XYLT1: variants seen among roughly 807,000 people sequenced by gnomAD.
XYLT1 encodes the protein xylosyltransferase 1, also known as beta-D-xylosyltransferase 1.
XYLT1 carries 36 observed loss-of-function variants against 91.3 expected under a neutral mutation model. The ratio of observed to expected loss-of-function variants is 0.39; its 90% confidence interval spans 0.30 to 0.52. The LOEUF (loss-of-function observed/expected upper bound fraction) is 0.52. Among genes scored for constraint, XYLT1 ranks in the 20% least tolerant of loss-of-function variants. XYLT1 has a pLI of 0.68. For missense variants in XYLT1, 1,242 were observed against 1,284.5 expected, an observed-to-expected ratio of 0.97 and a Z score of 0.51; for synonymous variants, 588 against 532.0, an observed-to-expected ratio of 1.11 and a Z score of -1.45.
chr16:17,454,455 G>A (rs1364180383), intron 1 of XYLT1, among the ~76,000 whole-genome samples: 1 of 152,074 alleles, frequency 6.6e-6, no homozygotes, highest in Non-Finnish European at 1.5e-5. Context: ...CAATTGTGCT[G>A]TCATAGCACA....
chr16:17,351,917 G>A (rs6498690), intron 2 of XYLT1, among the ~76,000 whole-genome samples: 74,243 of 151,978 alleles, frequency 0.49, 20,169 homozygotes, highest in African/African-American at 0.72. Context: ...GCTGAGGCGG[G>A]CGGACTGCTT....
chr16:17,385,036 C>A (rs1364451691), intron 1 of XYLT1, among the ~76,000 whole-genome samples: 2 of 151,736 alleles, frequency 1.3e-5, no homozygotes, highest in Non-Finnish European at 2.9e-5. Context: ...TAGGTGACTG[C>A]AGAGTCCTTG....
chr16:17,422,758 C>T (rs560581972), intron 1 of XYLT1, among the ~76,000 whole-genome samples: 4 of 152,246 alleles, frequency 2.6e-5, no homozygotes, highest in East Asian at 3.9e-4. Context: ...TCAGGTGATC[C>T]GCCCACCTCA....
intron 6 of XYLT1, among the ~76,000 whole-genome samples, chr16:17,150,916 G>A (rs181436106): frequency 6.6e-6 from 1 of 152,252 alleles, no homozygotes; most frequent in East Asian, 1.9e-4. Context: ...TATGGGGAAG[G>A]CCTTTATGAG....
chr16:17,272,153 GTTTTTTTTTTTTTT>G (rs35561235), intron 2 of XYLT1, among the ~76,000 whole-genome samples: 1 of 80,312 alleles, frequency 1.2e-5, no homozygotes, highest in Non-Finnish European at 2.3e-5. Context: ...TTTGTTGTTG[GTTTTTTTTTTTTTT>G]TTTTTTTTTT....
At chr16:17,267,476 C>T (rs551951724) in intron 2 of XYLT1, among the ~76,000 whole-genome samples, 14 of 152,210 alleles carry the variant, frequency 9.2e-5, no homozygotes, top group Non-Finnish European at 8.8e-5. Context: ...GGTGCGATCA[C>T]GCTCATCGCA....
At position 17,332,567 on chromosome 16, in the gene XYLT1, T is replaced by TACAC. The variant is rs60919228; in HGVS notation, c.402+25441_402+25444dup. ...ACAGAGCCAGAGTCCATCACACACATACACACACACACACACACACACACA... is the reference window on the plus strand; with the variant it reads ...ACAGAGCCAGAGTCCATCACACACATACACACACACACACACACACACACACACA... On this transcript the variant is annotated intron_variant, in intron 2 of 11. Coordinates refer to ENST00000261381, the MANE Select transcript of XYLT1 (RefSeq NM_022166.4). Among the ~76,000 whole-genome samples, 440 of 137,986 alleles carry TACAC rather than the reference T, an allele frequency of 3.2e-3. 2 individuals carry two copies. The highest frequency in any genetic ancestry group is 9.1e-3 in the South Asian group (37 of 4,050). The allele number at this position is 137,986 out of a possible 152,430, so 90.5% of individuals were successfully genotyped here.
chr16:17,232,252 A>G (rs1303462033), intron 3 of XYLT1, among the ~76,000 whole-genome samples: 2 of 142,960 alleles, frequency 1.4e-5, no homozygotes, highest in Non-Finnish European at 3.0e-5. Flanking sequence ...AATATATTAT[A>G]TATAATTATT....
chr16:17,415,902 G>C (rs964063869), intron 1 of XYLT1, among the ~76,000 whole-genome samples: 3 of 152,190 alleles, frequency 2.0e-5, no homozygotes, highest in African/African-American at 7.2e-5. Flanking sequence ...ATCACAGACA[G>C]CTTCTATGGG....
chr16:17,156,186 CAGA>C lies in XYLT1; in HGVS notation c.1370+2640_1370+2642del, dbSNP rs1315368847. On this transcript the variant is annotated intron_variant, in intron 6 of 11. Transcript: ENST00000261381. ...AACACAGTAGATCAGAATTCCAAACCAGAAGGTGTAACCTCACAGTCCCTGTTT... is the reference window on the plus strand; with the variant it reads ...AACACAGTAGATCAGAATTCCAAACCAGGTGTAACCTCACAGTCCCTGTTT... Among the ~76,000 whole-genome samples, 3 of 152,196 alleles carry C rather than the reference CAGA, an allele frequency of 2.0e-5. No homozygotes were observed. The East Asian group carries it at 5.8e-4, about 29-fold the overall frequency.
At chr16:17,334,361 G>T (rs1021805706) in intron 2 of XYLT1, among the ~76,000 whole-genome samples, 3 of 152,124 alleles carry the variant, frequency 2.0e-5, no homozygotes, top group African/African-American at 7.2e-5. Flanking sequence ...AGTACAGACT[G>T]CCAAGTCCCT....
rs1387656535 is a variant in XYLT1 at position 17,312,428 on chromosome 16, T to C, written c.402+45584A>G. On this transcript the variant is annotated intron_variant, in intron 2 of 11. Transcript: ENST00000261381. This position sits in a 1 kb window ranked among gnomAD's most constrained non-coding sequence, Gnocchi z 4.4. Reference sequence around the variant, plus strand: ...CGCTTACCATGTATGGGGTCTTGTCTCAGGGCCTTACCCGCATTAACATGT... The same window carrying C: ...CGCTTACCATGTATGGGGTCTTGTCCCAGGGCCTTACCCGCATTAACATGT... 6.6e-6 allele frequency among the ~76,000 whole-genome samples: 1 copy of C among 152,188 alleles called. No individual in the cohort carries two copies. The highest frequency in any genetic ancestry group is 1.5e-5 in the Non-Finnish European group (1 of 68,036).
intron 2 of XYLT1, among the ~76,000 whole-genome samples, chr16:17,289,819 T>C (rs1325126221): frequency 6.6e-6 from 1 of 152,196 alleles, no homozygotes; most frequent in Non-Finnish European, 1.5e-5. Flanking sequence ...CCCAGAGTGA[T>C]GCAGAGGAAA....
At chr16:17,338,284 T>A (rs987126447) in intron 2 of XYLT1, 2 of 456,308 alleles carry the variant, frequency 4.4e-6, no homozygotes, top group African/African-American at 4.0e-5. Context: ...TCCTCAAACA[T>A]CTTCAGTGGC....
chr16:17,271,792 T>C (rs1232383054), intron 2 of XYLT1, among the ~76,000 whole-genome samples: 1 of 151,678 alleles, frequency 6.6e-6, no homozygotes, highest in Non-Finnish European at 1.5e-5. Context: ...CAAGGGCCCA[T>C]ACTGGCCGAT....
chr16:17,261,976 G>T (rs915627634), intron 2 of XYLT1, among the ~76,000 whole-genome samples: 2 of 151,994 alleles, frequency 1.3e-5, no homozygotes, highest in African/African-American at 2.4e-5. Context: ...CTTTATTCTT[G>T]TAACCTAAAC....
chr16:17,314,593 G>A (rs559696359), intron 2 of XYLT1, among the ~76,000 whole-genome samples: 45 of 152,250 alleles, frequency 3.0e-4, no homozygotes, highest in African/African-American at 1.0e-3. Flanking sequence ...AGCAACATGC[G>A]AAACCAAATT....
intron 5 of XYLT1, among the ~76,000 whole-genome samples, chr16:17,182,222 GA>G (rs2032086283): frequency 6.6e-6 from 1 of 152,188 alleles, no homozygotes; most frequent in Non-Finnish European, 1.5e-5. Context: ...GCTATAACAA[GA>G]CACCATAACT....
In XYLT1 at chr16:17,387,415, G is replaced by A. The variant is rs113847028; in HGVS notation, c.364-29365C>T. ...TATTCGCCACCCCCCACCTCCCTCAGCAGGGAAGCACTAGTGATTAATTAG... is the reference window on the plus strand; with the variant it reads ...TATTCGCCACCCCCCACCTCCCTCAACAGGGAAGCACTAGTGATTAATTAG... On this transcript the variant is annotated intron_variant, in intron 1 of 11. Coordinates refer to ENST00000261381, the MANE Select transcript of XYLT1 (RefSeq NM_022166.4). Among the ~76,000 whole-genome samples, 511 of 152,234 alleles carry A rather than the reference G, an allele frequency of 3.4e-3. 1 individual carries two copies. Among genetic ancestry groups the A allele is most frequent in the African/African-American group, 0.011 (468 of 41,534 alleles).
Sources: allele counts gnomAD v4.1 joint callset (sites outside exome capture counted in the v4.1 genomes callset), GRCh38; gene constraint gnomAD v4.1.1; non-coding constraint Gnocchi (gnomAD v3.1); transcripts MANE v1.5; gene names NCBI Gene and HGNC (gene_info 2026-07-23, HGNC 2026-07-21).